The following ZNF446 variants were observed in gnomAD, a reference collection of about 807,000 sequenced individuals.
ZNF446 encodes zinc finger protein 446.
A neutral mutation model predicts 34.0 loss-of-function variants in ZNF446; 42 were observed. The ratio of observed to expected loss-of-function variants is 1.23; its 90% CI spans 0.96 to 1.60. ZNF446 has a LOEUF of 1.60. Among genes scored for constraint, ZNF446 ranks in the 40% most tolerant of loss-of-function variants. ZNF446 has a pLI of 0.00. For synonymous variants in ZNF446, 315 were observed against 251.0 expected (o/e 1.25, Z -2.41); for missense variants, 650 against 600.2 (o/e 1.08, Z -0.87).
chr19:58,482,434 TCTC>T (rs1016744499), downstream of ZNF446, among the ~76,000 whole-genome samples: 3 of 152,138 alleles, frequency 2.0e-5, no homozygotes, highest in Middle Eastern at 3.4e-3. Flanking sequence ...TCAGCACTCT[TCTC>T]CTTCCTACTC....
chr19:58,486,717 TG>T, the ZNF446 span, among the ~76,000 whole-genome samples: 47 of 90,046 alleles, frequency 5.2e-4, 1 homozygote, highest in Admixed American at 2.3e-3. Context: ...CTTTTTTTTT[TG>T]GGGGGGGGCG....
At chr19:58,478,276 C>A in intron 4 of ZNF446, 95 bp downstream of exon 4, 1 of 1,159,392 alleles carries the variant, frequency 8.6e-7, no homozygotes, top group Non-Finnish European at 1.2e-6. Flanking sequence ...GGCTCCTTGA[C>A]TAGTGGCTCT....
the ZNF446 span, among the ~76,000 whole-genome samples, chr19:58,489,051 G>C: frequency 6.6e-6 from 1 of 152,146 alleles, no homozygotes; most frequent in Non-Finnish European, 1.5e-5. Context: ...GGCATAGGCT[G>C]AAGTAACTTT....
the ZNF446 span, among the ~76,000 whole-genome samples, chr19:58,486,727 C>T: frequency 8.2e-5 from 11 of 134,206 alleles, no homozygotes; most frequent in African/African-American, 1.2e-4. Flanking sequence ...TGGGGGGGGG[C>T]GGGGAGAGAT....
Position 58,477,240 on chromosome 19 carries a change from C to T in ZNF446, c.22C>T (p.Pro8Ser), listed in dbSNP as rs1298454692. 6.3e-7 allele frequency: 1 copy of T among 1,587,080 alleles called. No individual in the cohort carries two copies. The highest frequency in any genetic ancestry group is 8.6e-7 in the Non-Finnish European group (1 of 1,164,234). MPSPLGP[P>S]CLPVMDPETT... ...AAGAATGCCATCCCCTCTGGGTCCCCCATGCCTGCCCGTCATGGACCCAGA... is the reference window on the plus strand; with the variant it reads ...AAGAATGCCATCCCCTCTGGGTCCCTCATGCCTGCCCGTCATGGACCCAGA... The change falls in exon 2 of 7, where the codon CCA (proline) becomes TCA (serine). Residue 8 changes from proline to serine, a missense_variant. Transcript: ENST00000594369.
At chr19:58,486,842 G>A in the ZNF446 span, among the ~76,000 whole-genome samples, 874 of 150,942 alleles carry the variant, frequency 5.8e-3, 7 homozygotes, top group Non-Finnish European at 9.2e-3. Flanking sequence ...TCACTCTGTC[G>A]CCCGGGCTAG....
chr19:58,476,698 G>A (rs1469305319), intron 1 of ZNF446, among the ~76,000 whole-genome samples, 194 bp downstream of exon 1: 1 of 152,090 alleles, frequency 6.6e-6, no homozygotes, highest in African/African-American at 2.4e-5. Flanking sequence ...CCTCCCCAGA[G>A]CCATTCCTAA....
At chr19:58,485,152 G>A (rs2053162524), downstream of ZNF446, among the ~76,000 whole-genome samples, 1 of 152,114 alleles carries the variant, frequency 6.6e-6, no homozygotes, top group Non-Finnish European at 1.5e-5. Flanking sequence ...AAAACGACAA[G>A]TAGGGAAGAA....
chr19:58,484,443 G>A (rs1382922118), downstream of ZNF446, among the ~76,000 whole-genome samples: 1 of 147,344 alleles, frequency 6.8e-6, no homozygotes, highest in Non-Finnish European at 1.5e-5. Flanking sequence ...TCCAGCCTGG[G>A]CAACAGGGCG....
chr19:58,478,151 C>T lies in ZNF446; in HGVS notation c.597C>T (p.Ala199=), dbSNP rs763804131. 1.9e-6 allele frequency: 3 copies of T among 1,613,992 alleles called. No individual in the cohort carries two copies. Among genetic ancestry groups the T allele is most frequent in the African/African-American group, 2.7e-5 (2 of 74,922 alleles). ...PEGNHGHQEP[A]STSFHPPRIQ... is the part of the protein sequence containing the mutation. ...GGAACCATGGACACCAAGAACCAGCCTCCACATCCTTCCACCCACCCAGGA... is the reference window on the plus strand; with the variant it reads ...GGAACCATGGACACCAAGAACCAGCTTCCACATCCTTCCACCCACCCAGGA... Residue 199 remains alanine, a synonymous_variant, in exon 4 of 7, where the codon GCC becomes GCT. Coordinates refer to ENST00000594369, the MANE Select transcript of ZNF446 (RefSeq NM_017908.4).
At chr19:58,486,009 TG>T (rs2053166738), downstream of ZNF446, among the ~76,000 whole-genome samples, 1 of 151,608 alleles carries the variant, frequency 6.6e-6, no homozygotes, top group African/African-American at 2.4e-5. Context: ...CTTGACCTCC[TG>T]GGCACAAGCA....
At chr19:58,489,379 G>A in the ZNF446 span, among the ~76,000 whole-genome samples, 1 of 152,126 alleles carries the variant, frequency 6.6e-6, no homozygotes, top group African/African-American at 2.4e-5. Context: ...CTCCGCGCAA[G>A]ACGACAGCTT....
rs769176334 is a variant in ZNF446, at chr19:58,479,997, C to T, written c.780C>T (p.Gly260=). ...TGGGGATGCTGCTCACGGGGACAGG[C>T]GTCTGCAGAAGCCTGCGCTCGGGTG... ...SELGMLLTGT[G]VCRSLRSGNE... Residue 260 remains glycine, a synonymous_variant, in exon 6 of 7, where the codon GGC becomes GGT. Coordinates refer to ENST00000594369, the MANE Select transcript of ZNF446 (RefSeq NM_017908.4). 50 of 1,588,896 alleles carry T rather than the reference C, an allele frequency of 3.1e-5. No individual in the cohort carries two copies. The highest frequency in any genetic ancestry group is 1.3e-4 in the South Asian group (11 of 87,564).
chr19:58,482,251 T>A (rs1195986297), downstream of ZNF446, among the ~76,000 whole-genome samples: 1 of 152,054 alleles, frequency 6.6e-6, no homozygotes, highest in Non-Finnish European at 1.5e-5. Flanking sequence ...GTTGGTCACG[T>A]CTTCCTTAGG....
In ZNF446 at chr19:58,477,286, A is replaced by G. The variant is rs1465941795; in HGVS notation, c.68A>G (p.Glu23Gly). The change falls in exon 2 of 7, where the codon GAG becomes GGG. Residue 23 changes from glutamate to glycine, a missense_variant. Coordinates refer to ENST00000594369, the MANE Select transcript of ZNF446 (RefSeq NM_017908.4). The stretch of plus-strand genomic sequence containing the variant: ...CCAGAGACCACCCTTGAGGAGCCTG[A>G]GACTGCCCGCCTCCGCTTCCGAGGG... ...MDPETTLEEP[E>G]TARLRFRGFC... The G allele has an allele frequency of 1.2e-6, 2 of 1,612,104 alleles. No individual in the cohort carries two copies. The highest frequency in any genetic ancestry group is 1.7e-6 in the Non-Finnish European group (2 of 1,179,514).
chr19:58,487,109 A>G, the ZNF446 span, among the ~76,000 whole-genome samples: 2 of 152,216 alleles, frequency 1.3e-5, no homozygotes, highest in African/African-American at 2.4e-5. Flanking sequence ...TTTCTTAAAT[A>G]ATAACACAAA....
downstream of ZNF446, among the ~76,000 whole-genome samples, chr19:58,482,627 G>A (rs75814085): frequency 0.041 from 6,267 of 152,252 alleles, 180 homozygotes; most frequent in Non-Finnish European, 0.059. Flanking sequence ...ACCCTGCTGC[G>A]GCCTGAAGCT....
chr19:58,479,041 C>T (rs548982340), intron 4 of ZNF446, among the ~76,000 whole-genome samples: 10 of 152,270 alleles, frequency 6.6e-5, no homozygotes, highest in African/African-American at 1.9e-4. Context: ...TTTCCTCTCC[C>T]GGCTCCTCTA....
the ZNF446 span, among the ~76,000 whole-genome samples, chr19:58,486,719 G>GC: frequency 2.7e-5 from 4 of 149,176 alleles, no homozygotes; most frequent in East Asian, 4.1e-4. Flanking sequence ...TTTTTTTTTG[G>GC]GGGGGGGCGG....
Sources: allele counts gnomAD v4.1 joint callset (sites outside exome capture counted in the v4.1 genomes callset), GRCh38; gene constraint gnomAD v4.1.1; transcripts MANE v1.5; gene names NCBI Gene and HGNC (gene_info 2026-07-23, HGNC 2026-07-21).